LPIN2: variants seen among roughly 807,000 people sequenced by gnomAD.
LPIN2 encodes the protein phosphatidate phosphatase LPIN2.
In LPIN2, 55 loss-of-function variants were observed where a neutral mutation model predicts 111.4. The observed-to-expected ratio is 0.49, with a 90% CI of 0.40 to 0.62. The LOEUF is 0.62. Among genes scored for constraint, LPIN2 ranks in the 20% least tolerant of loss-of-function variants. The probability of loss-of-function intolerance (pLI) is 0.00; values close to 1 mark genes in which losing one functional copy is unlikely to be tolerated. For synonymous variants in LPIN2, 425 were observed against 414.0 expected (o/e 1.03, Z -0.32); for missense variants, 992 against 1,112.1 (o/e 0.89, Z 1.54).
intron 1 of LPIN2, among the ~76,000 whole-genome samples, chr18:2,988,820 G>A (rs1273090689): frequency 2.0e-5 from 3 of 152,176 alleles, no homozygotes; most frequent in Non-Finnish European, 4.4e-5. Context: ...AACAGAACAA[G>A]TGTGACATTT....
chr18:3,005,100 A>G (rs1233575659), intron 1 of LPIN2, among the ~76,000 whole-genome samples: 1 of 152,226 alleles, frequency 6.6e-6, no homozygotes, highest in Non-Finnish European at 1.5e-5. Flanking sequence ...TTGTAATCCC[A>G]GCACTTTGGG....
intron 14 of LPIN2, 44 bp from the exon 15 acceptor site, chr18:2,924,590 A>G: frequency 6.2e-7 from 1 of 1,600,816 alleles, no homozygotes; most frequent in South Asian, 1.1e-5. Flanking sequence ...CTGAAAACAT[A>G]GTTTGAAACG....
intron 2 of LPIN2, among the ~76,000 whole-genome samples, chr18:2,958,173 A>AAAAAC (rs2077650874): frequency 7.9e-6 from 1 of 126,256 alleles, no homozygotes; most frequent in African/African-American, 2.9e-5. Flanking sequence ...AAAAAAAAAA[A>AAAAAC]CAGAAAAAAG....
Position 2,937,949 on chromosome 18 carries a change from T to C in LPIN2, c.911A>G (p.Glu304Gly). The C allele has an allele frequency of 6.2e-7, 1 of 1,614,182 alleles. No individual in the cohort carries two copies. The change falls in exon 7 of 20, where the codon GAG (glutamate) becomes GGG (glycine). Residue 304 changes from glutamate to glycine, a missense_variant. By Grantham distance (98) the Glu-to-Gly change is moderately conservative. Coordinates refer to ENST00000677752, the MANE Select transcript of LPIN2 (RefSeq NM_001375808.2). ...ENTHFRVIPS[E>G]DNLISEVEKD... ...CTCAACTTCACTGATGAGGTTGTCC[T>C]CACTGGGAATTACCCGAAAATGAGT...
intron 10 of LPIN2, 66 bp from the exon 11 acceptor site, chr18:2,928,726 A>G: frequency 2.6e-6 from 3 of 1,138,484 alleles, no homozygotes; most frequent in South Asian, 1.2e-5. Context: ...AGGGGAGGGA[A>G]TCAGGGAGGG....
chr18:3,009,516 G>T (rs1259939913), intron 1 of LPIN2, among the ~76,000 whole-genome samples: 1 of 151,620 alleles, frequency 6.6e-6, no homozygotes, highest in Non-Finnish European at 1.5e-5. Context: ...TCGGCTCACT[G>T]CAACTTCTGC....
Position 2,929,083 on chromosome 18 carries a change from A to C in LPIN2, c.1532T>G (p.Val511Gly). The C allele has an allele frequency of 6.3e-7, 1 of 1,588,584 alleles. No homozygotes were observed. The highest frequency in any genetic ancestry group is 8.6e-7 in the Non-Finnish European group (1 of 1,157,066). Reference sequence around the variant, plus strand: ...TATTTACCGATTATATATCCTTATTACAAGGTTAGGATTGTCTATAAGTCC... The same window carrying C: ...TATTTACCGATTATATATCCTTATTCCAAGGTTAGGATTGTCTATAAGTCC... ...NPGLIDNPNL[V>G]IRIYNRYYNW... The change falls in exon 10 of 20, where the codon GTA becomes GGA. Residue 511 changes from valine to glycine, a missense_variant. Physicochemically the swap from Val to Gly is moderately radical, Grantham distance 109. Around this residue, in one of 4 missense-constraint regions of LPIN2, gnomAD observed 709 missense variants for 753.2 expected, o/e 0.94. Coordinates refer to ENST00000677752, the MANE Select transcript of LPIN2 (RefSeq NM_001375808.2).
chr18:2,989,481 C>T (rs546971087), intron 1 of LPIN2, among the ~76,000 whole-genome samples: 13 of 152,188 alleles, frequency 8.5e-5, no homozygotes, highest in Admixed American at 6.5e-5. Flanking sequence ...TTACCTAAAG[C>T]GATCTTCAAA....
intron 1 of LPIN2, among the ~76,000 whole-genome samples, chr18:2,969,543 A>G (rs2077868740): frequency 6.6e-6 from 1 of 152,166 alleles, no homozygotes; most frequent in Non-Finnish European, 1.5e-5. Context: ...AGGTTTTTAT[A>G]TCTAACTTCT....
Position 2,918,225 on chromosome 18 carries a change from C to A in LPIN2, c.*2068G>T, listed in dbSNP as rs1382373016. ...AGGGCCAGGAGAGCCGGGTCCTAGA[C>A]TGAACCCTCTAAGAAGGCCCATGTG... On this transcript the variant is annotated 3_prime_UTR_variant, in exon 20 of 20. Coordinates refer to ENST00000677752, the MANE Select transcript of LPIN2 (RefSeq NM_001375808.2). 1 of 152,076 alleles carries A rather than the reference C, an allele frequency of 6.6e-6. No homozygotes were observed. Among genetic ancestry groups the A allele is most frequent in the Non-Finnish European group, 1.5e-5 (1 of 67,956 alleles). 9.4% of individuals were successfully genotyped at this position (152,076 alleles called of 1,614,324 possible). A position where few individuals can be genotyped will look rare whatever the true frequency, so the allele number is the denominator to read the frequency against.
At chr18:2,941,911 G>A (rs190014099) in intron 4 of LPIN2, among the ~76,000 whole-genome samples, 4 of 152,170 alleles carry the variant, frequency 2.6e-5, no homozygotes, top group African/African-American at 7.2e-5. Context: ...GTGACAGAGA[G>A]AGACTCCATC....
At position 2,989,053 on chromosome 18, in the gene LPIN2, A is replaced by G. The variant is rs75143387; in HGVS notation, c.-10+24034T>C. Among the ~76,000 whole-genome samples the G allele has an allele frequency of 6.2e-3, 937 of 152,338 alleles. 6 individuals are homozygous for G. The highest frequency in any genetic ancestry group is 0.021 in the African/African-American group (874 of 41,578). On this transcript the variant is annotated intron_variant, in intron 1 of 19. Transcript: ENST00000677752. Reference sequence around the variant, plus strand: ...ATTTATTTAGTATTTACTCTAAGCCATACCCTGGAATTAATCCTTTGCATA... The same window carrying G: ...ATTTATTTAGTATTTACTCTAAGCCGTACCCTGGAATTAATCCTTTGCATA...
Position 2,963,378 on chromosome 18 carries a change from CA to C in LPIN2, c.-9-2530del, listed in dbSNP as rs1344407063. ...CCTACATGCTAGCCCAGCATAGCTA[CA>C]CAATAAGAACCAAGTCAGACCTGTC... On this transcript the variant is annotated intron_variant, in intron 1 of 19. Transcript: ENST00000677752. 2.0e-5 allele frequency among the ~76,000 whole-genome samples: 3 copies of C among 150,254 alleles called. No individual in the cohort carries two copies. In the East Asian group the frequency reaches 5.8e-4, roughly 29 times the overall value.
chr18:2,974,205 T>A (rs1446004153), intron 1 of LPIN2, among the ~76,000 whole-genome samples: 1 of 152,190 alleles, frequency 6.6e-6, no homozygotes, highest in East Asian at 1.9e-4. Context: ...GCCTCCTCAG[T>A]AGCTGGGATT....
intron 8 of LPIN2, among the ~76,000 whole-genome samples, chr18:2,932,632 T>C (rs1310166124): frequency 6.6e-6 from 1 of 152,208 alleles, no homozygotes; most frequent in Non-Finnish European, 1.5e-5. Flanking sequence ...CTGTCTCCTC[T>C]TTCTCCGGGG....
In LPIN2 at chr18:2,923,798, T is replaced by C. The variant is rs765320594; in HGVS notation, c.2151A>G (p.Ala717=). 3 of 1,614,106 alleles carry C rather than the reference T, an allele frequency of 1.9e-6. No homozygotes were observed. The highest frequency in any genetic ancestry group is 3.3e-5 in the Admixed American group (2 of 60,024). The change falls in exon 16 of 20, where the codon GCA becomes GCG. Residue 717 remains alanine, a synonymous_variant. Transcript: ENST00000677752. Reference sequence around the variant, plus strand: ...ACTCATTGATGGAATGGTAGAGCTTTGCTATACCCTGGTGGGTCCAGTCTT... The same window carrying C: ...ACTCATTGATGGAATGGTAGAGCTTCGCTATACCCTGGTGGGTCCAGTCTT... ...LGKDWTHQGI[A]KLYHSINENG...
chr18:2,958,365 C>G (rs1409685834), intron 2 of LPIN2, among the ~76,000 whole-genome samples: 2 of 151,964 alleles, frequency 1.3e-5, no homozygotes, highest in South Asian at 2.1e-4. Context: ...TATACTACAT[C>G]TCTCTAAACA....
At chr18:2,946,595 A>G in intron 4 of LPIN2, 1 of 915,248 alleles carries the variant, frequency 1.1e-6, no homozygotes, top group South Asian at 1.3e-5. Context: ...AGGATGCGTT[A>G]GCCAATCCCG....
In LPIN2 at chr18:2,981,706, A is replaced by G. The variant is rs1463328619; in HGVS notation, c.-9-20857T>C. 2.0e-5 allele frequency among the ~76,000 whole-genome samples: 3 copies of G among 152,228 alleles called. No homozygotes were observed. In the East Asian group the frequency reaches 5.8e-4, roughly 29 times the overall value. On this transcript the variant is annotated intron_variant, in intron 1 of 19. Transcript: ENST00000677752. ...GTGGTAGCACCTGACTCTTCCATTCATATTCAAACCACGTCTTTCCATTAG... is the reference window on the plus strand; with the variant it reads ...GTGGTAGCACCTGACTCTTCCATTCGTATTCAAACCACGTCTTTCCATTAG...
Sources: allele counts gnomAD v4.1 joint callset (sites outside exome capture counted in the v4.1 genomes callset), GRCh38; gene constraint gnomAD v4.1.1; regional missense constraint gnomAD v4.1.1; transcripts MANE v1.5; gene names NCBI Gene and HGNC (gene_info 2026-07-23, HGNC 2026-07-21).